LRMDA: variants seen among roughly 807,000 people sequenced by gnomAD.
LRMDA encodes leucine rich melanocyte differentiation associated.
In LRMDA, 18 loss-of-function variants were observed where a neutral mutation model predicts 29.8. The observed-to-expected ratio is 0.60, with a 90% CI of 0.42 to 0.90. LRMDA has a LOEUF of 0.90. Ranked by LOEUF, LRMDA falls within the 40% of genes least tolerant of loss-of-function variation. The probability of loss-of-function intolerance (pLI) is 0.00; values close to 1 mark genes in which losing one functional copy is unlikely to be tolerated. For synonymous variants in LRMDA, 125 were observed against 109.4 expected (o/e 1.14, Z -0.89); for missense variants, 273 against 273.9 (o/e 1.00, Z 0.02).
In LRMDA at chr10:76,379,058, T is replaced by C. The variant is rs184960419; in HGVS notation, c.601+54573T>C. ...TTTTAGTAGAGATTGGGTTTCACCA[T>C]GTTGGCCAGGCTGGTCTCAGACTCC... On this transcript the variant is annotated intron_variant, in intron 6 of 6. Coordinates refer to ENST00000611255, the MANE Select transcript of LRMDA (RefSeq NM_001305581.2). Among the ~76,000 whole-genome samples the C allele has an allele frequency of 3.1e-3, 479 of 152,136 alleles. 2 individuals carry two copies. Among genetic ancestry groups the C allele is most frequent in the Admixed American group, 7.2e-3 (110 of 15,278 alleles).
chr10:75,946,341 CT>C (rs1362116672), intron 2 of LRMDA, among the ~76,000 whole-genome samples: 1 of 152,202 alleles, frequency 6.6e-6, no homozygotes, highest in Non-Finnish European at 1.5e-5. Flanking sequence ...CGCTAGATAA[CT>C]TTTTTCCTGA....
intron 2 of LRMDA, among the ~76,000 whole-genome samples, chr10:75,782,029 C>T (rs770336220): frequency 1.1e-4 from 16 of 152,186 alleles, no homozygotes; most frequent in Admixed American, 5.2e-4. Context: ...TACAGCTTTT[C>T]GGATACCCTT....
chr10:76,402,905 T>C (rs1025119320), intron 6 of LRMDA, among the ~76,000 whole-genome samples: 2 of 152,186 alleles, frequency 1.3e-5, no homozygotes, highest in Middle Eastern at 6.8e-3. Context: ...TAATCATAGG[T>C]GGGCCAAGGA....
At chr10:76,286,012 TC>T (rs925961672) in intron 5 of LRMDA, among the ~76,000 whole-genome samples, 4 of 152,212 alleles carry the variant, frequency 2.6e-5, no homozygotes, top group African/African-American at 7.2e-5. Context: ...AATCATTTCA[TC>T]CCAGACAAAG....
intron 2 of LRMDA, among the ~76,000 whole-genome samples, chr10:75,621,543 T>C (rs1475194868): frequency 6.6e-6 from 1 of 152,128 alleles, no homozygotes; most frequent in African/African-American, 2.4e-5. Flanking sequence ...CTGGATAAGC[T>C]ACTGTGCCCA....
intron 2 of LRMDA, among the ~76,000 whole-genome samples, chr10:75,638,926 A>G (rs2132118047): frequency 6.6e-6 from 1 of 152,362 alleles, no homozygotes; most frequent in Admixed American, 6.5e-5. Flanking sequence ...AAGAAATACC[A>G]GTAGTTCAGC....
intron 2 of LRMDA, among the ~76,000 whole-genome samples, chr10:75,871,934 A>G (rs1237119862): frequency 6.6e-6 from 1 of 152,218 alleles, no homozygotes; most frequent in Non-Finnish European, 1.5e-5. Context: ...GCAAATGTAT[A>G]TTTTTAGTGA....
At chr10:75,596,770 A>G (rs572690848) in intron 2 of LRMDA, among the ~76,000 whole-genome samples, 28 of 152,238 alleles carry the variant, frequency 1.8e-4, no homozygotes, top group Admixed American at 1.0e-3. Flanking sequence ...AGAACACTGG[A>G]ACTTACTCTC....
chr10:76,528,285 TA>T (rs1843199215), intron 6 of LRMDA, among the ~76,000 whole-genome samples: 1 of 152,144 alleles, frequency 6.6e-6, no homozygotes, highest in South Asian at 2.1e-4. Context: ...ATAAGAAAGC[TA>T]AATAAATTAT....
At chr10:76,360,352 C>T (rs543471569) in intron 6 of LRMDA, among the ~76,000 whole-genome samples, 1 of 152,232 alleles carries the variant, frequency 6.6e-6, no homozygotes, top group African/African-American at 2.4e-5. Context: ...GAATGGGTAC[C>T]TGAGGAGCTC....
At chr10:76,001,717 AG>A (rs1462559957) in intron 2 of LRMDA, among the ~76,000 whole-genome samples, 2 of 152,146 alleles carry the variant, frequency 1.3e-5, no homozygotes, top group Non-Finnish European at 2.9e-5. Flanking sequence ...ATTTATTTTC[AG>A]ATATCAAACA....
chr10:76,408,911 G>A (rs567698014), intron 6 of LRMDA, among the ~76,000 whole-genome samples: 3 of 152,240 alleles, frequency 2.0e-5, no homozygotes, highest in East Asian at 1.9e-4. Flanking sequence ...GGAACCCTGG[G>A]CTTATTTTCT....
At chr10:75,496,699 C>G (rs978299201) in intron 2 of LRMDA, among the ~76,000 whole-genome samples, 1 of 152,152 alleles carries the variant, frequency 6.6e-6, no homozygotes, top group Non-Finnish European at 1.5e-5. Context: ...GAAGCATGAA[C>G]TGACCTAGCA....
intron 2 of LRMDA, among the ~76,000 whole-genome samples, chr10:75,901,767 A>G (rs1845677433): frequency 6.6e-6 from 1 of 152,188 alleles, no homozygotes; most frequent in African/African-American, 2.4e-5. Flanking sequence ...GAACAAGAGA[A>G]GCTGATTGCC....
intron 5 of LRMDA, among the ~76,000 whole-genome samples, chr10:76,071,592 C>T (rs988370127): frequency 3.3e-5 from 5 of 152,154 alleles, no homozygotes; most frequent in Non-Finnish European, 5.9e-5. Flanking sequence ...GGCGAGTAAG[C>T]GGAATAAAGA....
intron 2 of LRMDA, among the ~76,000 whole-genome samples, chr10:75,979,966 A>G (rs949995170): frequency 6.6e-6 from 1 of 152,148 alleles, no homozygotes; most frequent in Non-Finnish European, 1.5e-5. Context: ...TTTCTTCTGA[A>G]TAATTTACTT....
chr10:76,260,026 C>A (rs1460782902), intron 5 of LRMDA, among the ~76,000 whole-genome samples: 2 of 151,534 alleles, frequency 1.3e-5, no homozygotes, highest in Non-Finnish European at 2.9e-5. Context: ...TTTTTTTAAA[C>A]CCATTCATCC....
At chr10:76,049,810 C>T (rs1318127232) in intron 4 of LRMDA, among the ~76,000 whole-genome samples, 2 of 152,096 alleles carry the variant, frequency 1.3e-5, no homozygotes, top group Non-Finnish European at 2.9e-5. Context: ...ACGAGGTTTG[C>T]CTTCCTTCTA....
At chr10:76,476,804 T>G (rs886287636) in intron 6 of LRMDA, among the ~76,000 whole-genome samples, 2 of 152,120 alleles carry the variant, frequency 1.3e-5, no homozygotes, top group African/African-American at 4.8e-5. Context: ...AAACACCACA[T>G]GATTATCTCA....
Sources: gnomAD v4.1 joint callset for allele counts (sites outside exome capture counted in the v4.1 genomes callset) on GRCh38, gnomAD v4.1.1 for gene constraint, MANE v1.5 for transcripts, NCBI Gene and HGNC (gene_info 2026-07-23, HGNC 2026-07-21) for gene names.